Variants in MYO1E observed in about 807,000 individuals in gnomAD.
The protein encoded by MYO1E is myosin IE, also known as unconventional myosin-Ie.
In MYO1E, 68 loss-of-function variants were observed where a neutral mutation model predicts 151.1. The ratio of observed to expected loss-of-function variants is 0.45; its 90% CI spans 0.37 to 0.55. The LOEUF is 0.55. Among genes scored for constraint, MYO1E ranks in the 20% least tolerant of loss-of-function variants. The probability of loss-of-function intolerance (pLI) is 0.00; values close to 1 mark genes in which losing one functional copy is unlikely to be tolerated. For missense variants in MYO1E, 1,363 were observed against 1,389.3 expected, an observed-to-expected ratio of 0.98 and a Z score of 0.30; for synonymous variants, 601 against 501.7, an observed-to-expected ratio of 1.20 and a Z score of -2.64.
chr15:59,242,219 TG>T (rs2080104110), intron 4 of MYO1E, among the ~76,000 whole-genome samples: 1 of 152,238 alleles, frequency 6.6e-6, no homozygotes, highest in South Asian at 2.1e-4. Flanking sequence ...ACACACTTTT[TG>T]TTGGTCTCTG....
At chr15:59,251,182 C>A (rs1317799707) in intron 4 of MYO1E, among the ~76,000 whole-genome samples, 1 of 152,112 alleles carries the variant, frequency 6.6e-6, no homozygotes, top group Non-Finnish European at 1.5e-5. Flanking sequence ...TATTAAGCAA[C>A]CAAATTCAAC....
intron 1 of MYO1E, among the ~76,000 whole-genome samples, chr15:59,319,572 T>TTTTTTTTTTTTTC: frequency 7.4e-6 from 1 of 135,422 alleles, no homozygotes; most frequent in African/African-American, 2.7e-5. Context: ...TTTTTTTTTT[T>TTTTTTTTTTTTTC]TTTTTTTTTG....
In MYO1E at chr15:59,290,966, TA is replaced by T. The variant is rs562553142; in HGVS notation, c.4-18518del. 2.0e-3 allele frequency among the ~76,000 whole-genome samples: 298 copies of T among 152,266 alleles called. 1 individual carries two copies. The highest frequency in any genetic ancestry group is 6.8e-3 in the African/African-American group (282 of 41,558). On this transcript the variant is annotated intron_variant, in intron 1 of 27. Coordinates refer to ENST00000288235, the MANE Select transcript of MYO1E (RefSeq NM_004998.4). ...ACCAACTGATACCCACTCTCCGCAT[TA>T]GGTAGAAAAGAGTGTGCTCACACAA...
intron 1 of MYO1E, among the ~76,000 whole-genome samples, chr15:59,351,128 C>T (rs28617261): frequency 0.013 from 1,976 of 152,132 alleles, 40 homozygotes; most frequent in African/African-American, 0.044. Flanking sequence ...CTCGATCTCC[C>T]GACCTCGTGA....
At chr15:59,179,759 C>G (rs1211848062) in intron 18 of MYO1E, among the ~76,000 whole-genome samples, 1 of 152,226 alleles carries the variant, frequency 6.6e-6, no homozygotes, top group Non-Finnish European at 1.5e-5. Context: ...ATTATCCAGT[C>G]TACTATACAT....
intron 21 of MYO1E, 116 bp downstream of exon 21, chr15:59,173,630 T>C (rs2079608114): frequency 1.5e-6 from 2 of 1,336,188 alleles, no homozygotes. Flanking sequence ...GTATTTTCTC[T>C]AAATTTTTCT....
intron 19 of MYO1E, among the ~76,000 whole-genome samples, chr15:59,176,449 CT>C (rs68139054): frequency 0.84 from 94,538 of 112,000 alleles, 38,809 homozygotes; most frequent in Middle Eastern, 0.91. Context: ...TTTCTTTTTC[CT>C]TTTTTTTTTT....
At chr15:59,231,589 G>T in intron 6 of MYO1E, 113 bp downstream of exon 6, 1 of 1,119,434 alleles carries the variant, frequency 8.9e-7, no homozygotes, top group Non-Finnish European at 1.4e-6. Context: ...TCGAAGAGGT[G>T]GCCTCCTGAT....
chr15:59,324,495 C>T (rs1342801323), intron 1 of MYO1E, among the ~76,000 whole-genome samples: 1 of 152,046 alleles, frequency 6.6e-6, no homozygotes, highest in Non-Finnish European at 1.5e-5. Context: ...TGGGGAGCAT[C>T]GGGGATGCTA....
chr15:59,209,169 T>G (rs1477886787), intron 13 of MYO1E, among the ~76,000 whole-genome samples: 2 of 152,210 alleles, frequency 1.3e-5, no homozygotes, highest in Non-Finnish European at 2.9e-5. Context: ...GTAAAAACAT[T>G]TTCCTTTGAC....
intron 14 of MYO1E, chr15:59,207,026 G>A (rs1457912862): frequency 3.1e-6 from 5 of 1,614,214 alleles, no homozygotes; most frequent in Admixed American, 1.7e-5. Flanking sequence ...ATGGCCCTGT[G>A]TCCGCGTCAA....
intron 4 of MYO1E, among the ~76,000 whole-genome samples, chr15:59,244,344 A>T (rs768681080): frequency 2.0e-5 from 3 of 152,214 alleles, no homozygotes; most frequent in Non-Finnish European, 4.4e-5. Flanking sequence ...CCAGCTCTGA[A>T]ATTCCTTTGA....
At chr15:59,153,527 C>T in intron 26 of MYO1E, 63 bp downstream of exon 26, 1 of 1,554,618 alleles carries the variant, frequency 6.4e-7, no homozygotes, top group South Asian at 1.1e-5. Flanking sequence ...AATCTCTGAA[C>T]CCTTGTTTTG....
At chr15:59,222,387 T>C (rs1199628126) in intron 9 of MYO1E, among the ~76,000 whole-genome samples, 4 of 152,222 alleles carry the variant, frequency 2.6e-5, no homozygotes, top group East Asian at 3.8e-4. Flanking sequence ...GTATTTATGG[T>C]AGATTTTGGG....
intron 26 of MYO1E, among the ~76,000 whole-genome samples, chr15:59,138,568 T>C (rs1042189554): frequency 6.6e-6 from 1 of 152,214 alleles, no homozygotes; most frequent in Non-Finnish European, 1.5e-5. Flanking sequence ...CAAATGCACA[T>C]AGCTCTTAAA....
intron 4 of MYO1E, among the ~76,000 whole-genome samples, chr15:59,246,590 T>C (rs1242501603): frequency 1.3e-5 from 2 of 152,204 alleles, no homozygotes; most frequent in Non-Finnish European, 2.9e-5. Flanking sequence ...TAGATTTCCA[T>C]ATTCCCTCAA....
At chr15:59,294,565 C>A (rs1325751693) in intron 1 of MYO1E, among the ~76,000 whole-genome samples, 1 of 152,166 alleles carries the variant, frequency 6.6e-6, no homozygotes, top group Non-Finnish European at 1.5e-5. Context: ...TATCTTTGCC[C>A]TCCCGCTTTC....
At chr15:59,158,824 G>T (rs568207401) in intron 24 of MYO1E, among the ~76,000 whole-genome samples, 7 of 152,326 alleles carry the variant, frequency 4.6e-5, no homozygotes, top group African/African-American at 1.7e-4. Context: ...CGCCTTGCAC[G>T]CAAGAGTGTG....
intron 1 of MYO1E, among the ~76,000 whole-genome samples, chr15:59,371,826 G>A (rs1183739639): frequency 1.3e-5 from 2 of 151,548 alleles, no homozygotes; most frequent in Non-Finnish European, 3.0e-5. Context: ...CAGGTCCGGG[G>A]CGGCGTGGTT....
Sources: allele counts gnomAD v4.1 joint callset (sites outside exome capture counted in the v4.1 genomes callset), GRCh38; gene constraint gnomAD v4.1.1; transcripts MANE v1.5; gene names NCBI Gene and HGNC (gene_info 2026-07-23, HGNC 2026-07-21).